ZNF329: variants seen among roughly 807,000 people sequenced by gnomAD.
ZNF329 encodes zinc finger protein 329.
A neutral mutation model predicts 26.6 loss-of-function variants in ZNF329; 15 were observed. The observed-to-expected ratio is 0.56, with a 90% confidence interval of 0.38 to 0.87. The LOEUF (loss-of-function observed/expected upper bound fraction) is 0.87, where lower values mean the gene tolerates loss of function less well. ZNF329 is among the 40% of genes least tolerant of loss of function. ZNF329 has a pLI of 0.00. For missense variants in ZNF329, 651 were observed against 651.9 expected, an observed-to-expected ratio of 1.00 and a Z score of 0.02; for synonymous variants, 239 against 233.5, an observed-to-expected ratio of 1.02 and a Z score of -0.21.
chr19:58,154,657 C>T (rs989085701), upstream of ZNF329: 1 of 151,910 alleles, frequency 6.6e-6, no homozygotes, highest in African/African-American at 2.4e-5. Context: ...CTTCTGAGCT[C>T]GGGAACGTCT....
Position 58,129,642 on chromosome 19 carries a change from A to C in ZNF329, c.-8-131T>G. ...TTTTCTCTTTTAAATTCAAATTTATACAAGGAAGAGGTAAAATCGTAGCCA... is the reference window on the plus strand; with the variant it reads ...TTTTCTCTTTTAAATTCAAATTTATCCAAGGAAGAGGTAAAATCGTAGCCA... On this transcript the variant is annotated intron_variant, in intron 3 of 3. Transcript: ENST00000598312. 3.5e-6 allele frequency: 3 copies of C among 847,374 alleles called. No homozygotes were observed. The South Asian group carries it at 6.2e-5, about 18-fold the overall frequency. The allele number at this position is 847,374 out of a possible 1,614,324, so 52.5% of individuals were successfully genotyped here. A position where few individuals can be genotyped will look rare whatever the true frequency, so the allele number is the denominator to read the frequency against.
intron 3 of ZNF329, among the ~76,000 whole-genome samples, chr19:58,133,039 C>T (rs986447154): frequency 2.6e-5 from 4 of 152,142 alleles, no homozygotes; most frequent in Admixed American, 2.6e-4. Context: ...GTCTCGAGCT[C>T]CTGACCTCGT....
At chr19:58,145,977 T>G (rs2075299400) in intron 1 of ZNF329, among the ~76,000 whole-genome samples, 1 of 150,348 alleles carries the variant, frequency 6.7e-6, no homozygotes, top group African/African-American at 2.5e-5. Flanking sequence ...CAGCTGGGTC[T>G]TTTAAAAATA....
intron 1 of ZNF329, among the ~76,000 whole-genome samples, chr19:58,146,000 G>GAAA (rs36035684): frequency 0.026 from 3,210 of 123,124 alleles, 128 homozygotes; most frequent in African/African-American, 0.093. Flanking sequence ...TCAATTTCAT[G>GAAA]AAAAAAAAAA....
chr19:58,153,247 T>A (rs956619400), upstream of ZNF329, among the ~76,000 whole-genome samples: 2 of 152,120 alleles, frequency 1.3e-5, no homozygotes, highest in Non-Finnish European at 2.9e-5. Flanking sequence ...GTAGCTGGGA[T>A]TACATGCGCA....
Position 58,144,269 on chromosome 19 carries a change from G to C in ZNF329, c.-207-1071C>G, listed in dbSNP as rs532486422. ...AACTCACTGCAACCTCCGCCTCCTG[G>C]GTTCAAGCAATTCTCTTGCCTCAGC... is the stretch of plus-strand genomic sequence containing the variant. On this transcript the variant is annotated intron_variant, in intron 1 of 3. Transcript: ENST00000598312. Among the ~76,000 whole-genome samples the C allele has an allele frequency of 2.4e-4, 36 of 151,346 alleles. 1 individual carries two copies. In the South Asian group the frequency reaches 7.5e-3, roughly 31 times the overall value.
At chr19:58,144,854 T>C (rs999423249) in intron 1 of ZNF329, among the ~76,000 whole-genome samples, 4 of 137,364 alleles carry the variant, frequency 2.9e-5, no homozygotes, top group Non-Finnish European at 4.5e-5. Flanking sequence ...TTTTTTCTTT[T>C]TTTTTTTTTT....
intron 1 of ZNF329, among the ~76,000 whole-genome samples, chr19:58,148,590 C>G (rs574024337): frequency 6.6e-6 from 1 of 152,044 alleles, no homozygotes; most frequent in South Asian, 2.1e-4. Flanking sequence ...TGGTGGCTCA[C>G]ACCTGTAATC....
intron 3 of ZNF329, among the ~76,000 whole-genome samples, chr19:58,133,079 T>C (rs2146076330): frequency 6.6e-6 from 1 of 152,350 alleles, no homozygotes; most frequent in African/African-American, 2.4e-5. Flanking sequence ...CCCAGAGTGC[T>C]GGGATTACAG....
chr19:58,152,811 C>T (rs962642659), upstream of ZNF329, among the ~76,000 whole-genome samples: 2 of 151,806 alleles, frequency 1.3e-5, no homozygotes, highest in Admixed American at 1.3e-4. Flanking sequence ...GAGCTGAGAT[C>T]GTGCCACTGC....
At chr19:58,137,509 G>A (rs929874138) in intron 3 of ZNF329, among the ~76,000 whole-genome samples, 2 of 151,982 alleles carry the variant, frequency 1.3e-5, no homozygotes, top group Non-Finnish European at 2.9e-5. Flanking sequence ...AGCCGAGATC[G>A]TGCCACTGCA....
intron 3 of ZNF329, among the ~76,000 whole-genome samples, chr19:58,141,540 C>G (rs1282421802): frequency 6.6e-6 from 1 of 152,022 alleles, no homozygotes; most frequent in Admixed American, 6.5e-5. Context: ...GGTGATCAGC[C>G]TGCCTTGGCC....
intron 1 of ZNF329, 147 bp downstream of exon 1, chr19:58,150,605 G>A (rs1407743219): frequency 6.5e-6 from 1 of 152,772 alleles, no homozygotes; most frequent in African/African-American, 2.4e-5. Flanking sequence ...CGCCCTAGCG[G>A]GCCCGACATG....
chr19:58,130,703 T>C (rs1476265452), intron 3 of ZNF329, among the ~76,000 whole-genome samples: 1 of 148,040 alleles, frequency 6.8e-6, no homozygotes, highest in Non-Finnish European at 1.5e-5. Flanking sequence ...AACTGGATCA[T>C]GTACAAAGCA....
At position 58,129,334 on chromosome 19, in the gene ZNF329, G is replaced by C. The variant is rs1280747036; in HGVS notation, c.170C>G (p.Pro57Arg). Residue 57 changes from proline (P) to arginine (R), a missense_variant, in exon 4 of 4, where the codon CCA (proline) becomes CGA (arginine). Coordinates refer to ENST00000598312, the MANE Select transcript of ZNF329 (RefSeq NM_024620.4). ...LRQSALTLEK[P>R]GTQEAICEYP... ...TTCACAAATTGCTTCCTGAGTCCCT[G>C]GTTTCTCCAGAGTTAAAGCTGATTG... 22 of 1,614,062 alleles carry C rather than the reference G, an allele frequency of 1.4e-5. No individual in the cohort carries two copies. Among genetic ancestry groups the C allele is most frequent in the Non-Finnish European group, 1.7e-5 (20 of 1,180,040 alleles).
rs1273987254 is a variant in ZNF329 at position 58,126,916 on chromosome 19, G to A, written c.*962C>T. 1 of 152,136 alleles carries A rather than the reference G, an allele frequency of 6.6e-6. No individual in the cohort carries two copies. The highest frequency in any genetic ancestry group is 1.5e-5 in the Non-Finnish European group (1 of 68,034). 9.4% of individuals were successfully genotyped at this position (152,136 alleles called of 1,614,324 possible). On this transcript the variant is annotated 3_prime_UTR_variant, in exon 4 of 4. Transcript: ENST00000598312. ...GATCTGGCCGCCTCGGCCTCCCAAA[G>A]TGCTAGGATTACAGGCGTGAGCCAC...
intron 3 of ZNF329, among the ~76,000 whole-genome samples, chr19:58,133,856 G>T (rs1485305942): frequency 6.6e-6 from 1 of 151,716 alleles, no homozygotes; most frequent in African/African-American, 2.4e-5. Flanking sequence ...ACTGATGAAT[G>T]TATATTTAAA....
chr19:58,140,029 C>T (rs1452191607), intron 3 of ZNF329, among the ~76,000 whole-genome samples: 2 of 152,170 alleles, frequency 1.3e-5, no homozygotes, highest in African/African-American at 2.4e-5. Context: ...TCCACTGCTA[C>T]GGTTTGGATA....
At chr19:58,152,990 T>C (rs1361659490), upstream of ZNF329, among the ~76,000 whole-genome samples, 2 of 152,192 alleles carry the variant, frequency 1.3e-5, no homozygotes, top group Non-Finnish European at 2.9e-5. Flanking sequence ...GTAAAAGTAA[T>C]AATCTAGTAA....
Sources: allele counts gnomAD v4.1 joint callset (sites outside exome capture counted in the v4.1 genomes callset), GRCh38; gene constraint gnomAD v4.1.1; transcripts MANE v1.5; gene names NCBI Gene and HGNC (gene_info 2026-07-23, HGNC 2026-07-21).